CLEC9A: variants seen among roughly 807,000 people sequenced by gnomAD.
The protein encoded by CLEC9A is C-type lectin domain family 9 member A.
CLEC9A carries 24 observed loss-of-function variants against 30.0 expected under a neutral mutation model. The observed-to-expected ratio is 0.80, with a 90% CI of 0.58 to 1.13. CLEC9A has a LOEUF of 1.13. Among genes scored for constraint, CLEC9A ranks in the 50% most tolerant of loss-of-function variants. The pLI is 0.00. For synonymous variants in CLEC9A, 111 were observed against 96.8 expected (o/e 1.15, Z -0.86); for missense variants, 251 against 280.9 (o/e 0.89, Z 0.76).
At chr12:10,044,735 T>C (rs1038304558) in intron 2 of CLEC9A, among the ~76,000 whole-genome samples, 12 of 152,192 alleles carry the variant, frequency 7.9e-5, no homozygotes, top group African/African-American at 2.7e-4. Context: ...ACTTTACCAC[T>C]GTCAGAAATT....
At position 10,058,038 on chromosome 12, in the gene CLEC9A, C is replaced by T. The variant is rs1865958742; in HGVS notation, c.173-3089C>T. ...TAATTATATTGTTTTGTCTTTATTC[C>T]TCATTGCAGATTTATTACAACTTCA... On this transcript the variant is annotated intron_variant, in intron 5 of 8. Transcript: ENST00000355819. 4.0e-5 allele frequency among the ~76,000 whole-genome samples: 6 copies of T among 151,360 alleles called. No individual in the cohort carries two copies. The South Asian group carries it at 1.3e-3, about 32-fold the overall frequency.
intron 1 of CLEC9A, among the ~76,000 whole-genome samples, chr12:10,039,248 T>C (rs1591884429): frequency 6.6e-6 from 1 of 152,106 alleles, no homozygotes; most frequent in African/African-American, 2.4e-5. Context: ...AAAGATTTGA[T>C]TGGAGGAAGG....
Position 10,052,771 on chromosome 12 carries a change from A to G in CLEC9A, c.84A>G (p.Lys28=), listed in dbSNP as rs1023734501. 1 of 1,613,268 alleles carries G rather than the reference A, an allele frequency of 6.2e-7. No individual in the cohort carries two copies. Residue 28 remains lysine, a synonymous_variant, in exon 4 of 9, where the codon AAA becomes AAG. Coordinates refer to ENST00000355819, the MANE Select transcript of CLEC9A (RefSeq NM_207345.4). ...ACCAGAAATGTCTGTCTTCCAACAA[A>G]TGTTCAGGTAACCAGTTCTAACTAT... ...DTYQKCLSSN[K]CSGACCLVMV... is the part of the protein sequence containing the mutation.
intron 2 of CLEC9A, among the ~76,000 whole-genome samples, chr12:10,051,687 A>G (rs10505749): frequency 0.52 from 79,721 of 152,000 alleles, 23,484 homozygotes; most frequent in Middle Eastern, 0.74. Context: ...CATAGACTAT[A>G]TTACTTAGAC....
intron 1 of CLEC9A, among the ~76,000 whole-genome samples, chr12:10,040,455 T>TG (rs1268802350): frequency 1.3e-5 from 2 of 151,478 alleles, no homozygotes; most frequent in African/African-American, 4.8e-5. Flanking sequence ...ATTGGCAATT[T>TG]TTTTTTTTTT....
intron 1 of CLEC9A, among the ~76,000 whole-genome samples, chr12:10,038,837 T>TAAAAC (rs1555150832): frequency 7.0e-5 from 10 of 143,084 alleles, no homozygotes; most frequent in Admixed American, 2.1e-4. Context: ...TGGGTGGGCA[T>TAAAAC]AAAACAAAAC....
At chr12:10,037,489 G>A (rs756048565) in intron 1 of CLEC9A, among the ~76,000 whole-genome samples, 54 of 141,354 alleles carry the variant, frequency 3.8e-4, no homozygotes, top group Admixed American at 3.3e-4. Flanking sequence ...AGAGGCCACC[G>A]ACTATGAAGA....
chr12:10,065,663 C>G lies in CLEC9A; in HGVS notation c.*31C>G. The G allele has an allele frequency of 1.2e-6, 2 of 1,611,518 alleles. No individual in the cohort carries two copies. The highest frequency in any genetic ancestry group is 2.7e-5 in the African/African-American group (2 of 74,866). ...ATTGTGTTCAAAGTGTTCTATTACACTGTTATTTGGAGCATGCCATTGGAA... is the reference window on the plus strand; with the variant it reads ...ATTGTGTTCAAAGTGTTCTATTACAGTGTTATTTGGAGCATGCCATTGGAA... On this transcript the variant is annotated 3_prime_UTR_variant, in exon 9 of 9. Coordinates refer to ENST00000355819, the MANE Select transcript of CLEC9A (RefSeq NM_207345.4).
intron 2 of CLEC9A, among the ~76,000 whole-genome samples, chr12:10,050,579 G>A (rs2171603): frequency 0.028 from 4,281 of 152,226 alleles, 199 homozygotes; most frequent in African/African-American, 0.097. Flanking sequence ...AACATCAAAA[G>A]TAATAAAAGG....
intron 2 of CLEC9A, among the ~76,000 whole-genome samples, chr12:10,042,199 A>C (rs891421051): frequency 7.9e-5 from 12 of 152,248 alleles, no homozygotes; most frequent in African/African-American, 2.9e-4. Context: ...AGTAGAATTT[A>C]TCTGTCAGGT....
intron 5 of CLEC9A, 56 bp from the exon 6 acceptor site, chr12:10,061,071 A>T: frequency 1.9e-6 from 3 of 1,581,458 alleles, no homozygotes; most frequent in Non-Finnish European, 2.6e-6. Context: ...GTGTTGAAGG[A>T]TTATTTTGCT....
intron 1 of CLEC9A, among the ~76,000 whole-genome samples, chr12:10,035,987 CCTT>C (rs1452285116): frequency 1.3e-5 from 2 of 152,276 alleles, no homozygotes; most frequent in Admixed American, 6.5e-5. Flanking sequence ...ATAAACATTG[CCTT>C]CTTCTTTTTC....
Position 10,054,310 on chromosome 12 carries a change from G to T in CLEC9A, c.131G>T (p.Cys44Phe). 6.2e-7 allele frequency: 1 copy of T among 1,613,046 alleles called. No individual in the cohort carries two copies. The highest frequency in any genetic ancestry group is 8.5e-7 in the Non-Finnish European group (1 of 1,179,394). ...CLVMVISCVF[C>F]MGLLTASIFL... is the part of the protein sequence containing the mutation. ...GTGATGGTGATTTCATGTGTTTTCT[G>T]CATGGGATTATTAACAGCATCCATT... The change falls in exon 5 of 9, where the codon TGC becomes TTC. Residue 44 changes from cysteine to phenylalanine, a missense_variant. Coordinates refer to ENST00000355819, the MANE Select transcript of CLEC9A (RefSeq NM_207345.4).
chr12:10,048,549 A>AT (rs1264442095), intron 2 of CLEC9A, among the ~76,000 whole-genome samples: 7 of 152,366 alleles, frequency 4.6e-5, no homozygotes, highest in African/African-American at 1.7e-4. Context: ...TTTATGCAGT[A>AT]TTTGAAATCC....
intron 3 of CLEC9A, 99 bp from the exon 4 acceptor site, chr12:10,052,531 G>T: frequency 7.6e-7 from 1 of 1,310,964 alleles, no homozygotes; most frequent in Non-Finnish European, 9.8e-7. Context: ...TCTGAATGAA[G>T]GTGCATCTAT....
chr12:10,047,815 G>A (rs555520318), intron 2 of CLEC9A, among the ~76,000 whole-genome samples: 2 of 152,318 alleles, frequency 1.3e-5, no homozygotes, highest in African/African-American at 4.8e-5. Context: ...GATTACCTGA[G>A]TCTTTAATGA....
In CLEC9A at chr12:10,064,804, C is replaced by T. The variant is rs781519403; in HGVS notation, c.544C>T (p.His182Tyr). ...CTGGGTGGGGTTGTCTCAGGATGGA[C>T]ACAGCGGACGCTGGCTTTGGCAAGA... ...DYWVGLSQDG[H>Y]SGRWLWQDGS... Residue 182 changes from histidine to tyrosine, a missense_variant, in exon 8 of 9, where the codon CAC becomes TAC. By Grantham distance (83) the His-to-Tyr change is moderately conservative (BLOSUM62 2). Transcript: ENST00000355819. The T allele has an allele frequency of 8.7e-6, 14 of 1,613,606 alleles. No individual in the cohort carries two copies. The highest frequency in any genetic ancestry group is 9.3e-6 in the Non-Finnish European group (11 of 1,179,736).
At chr12:10,062,455 C>T (rs1418849198) in intron 6 of CLEC9A, among the ~76,000 whole-genome samples, 1 of 152,178 alleles carries the variant, frequency 6.6e-6, no homozygotes, top group Admixed American at 6.5e-5. Context: ...ACTGATTAAA[C>T]ATTAAGGCTT....
chr12:10,039,552 A>G (rs1031906010), intron 1 of CLEC9A, among the ~76,000 whole-genome samples: 44 of 152,172 alleles, frequency 2.9e-4, no homozygotes, highest in African/African-American at 1.0e-3. Flanking sequence ...GGAGTTTTTC[A>G]ATTTCATATG....
Sources: gnomAD v4.1 joint callset for allele counts (sites outside exome capture counted in the v4.1 genomes callset) on GRCh38, gnomAD v4.1.1 for gene constraint, MANE v1.5 for transcripts, NCBI Gene and HGNC (gene_info 2026-07-23, HGNC 2026-07-21) for gene names.